Variants in ITK observed in about 807,000 individuals in gnomAD.
ITK encodes IL2 inducible T cell kinase.
In ITK, 45 loss-of-function variants were observed where a neutral mutation model predicts 87.6. The ratio of observed to expected loss-of-function variants is 0.51; its 90% CI spans 0.40 to 0.66. The LOEUF (loss-of-function observed/expected upper bound fraction) is 0.66. Among genes scored for constraint, ITK ranks in the 30% least tolerant of loss-of-function variants. The pLI is 0.00. For synonymous variants in ITK, 303 were observed against 273.6 expected, an observed-to-expected ratio of 1.11 and a Z score of -1.06; for missense variants, 605 against 766.3, an observed-to-expected ratio of 0.79 and a Z score of 2.48.
rs6861045 is a variant in ITK at position 157,194,013 on chromosome 5, A to G, written c.138+12898A>G. Among the ~76,000 whole-genome samples, 1,444 of 152,290 alleles carry G rather than the reference A, an allele frequency of 9.5e-3. 19 individuals are homozygous for G. Among genetic ancestry groups the G allele is most frequent in the African/African-American group, 0.033 (1,358 of 41,548 alleles). On this transcript the variant is annotated intron_variant, in intron 1 of 16. Transcript: ENST00000422843. Reference sequence around the variant, plus strand: ...TTTTGTTTTGGTGAGGAAGCAATGGAGCTACGAGGACGGTAAGTAATTTAC... The same window carrying G: ...TTTTGTTTTGGTGAGGAAGCAATGGGGCTACGAGGACGGTAAGTAATTTAC...
Position 157,252,727 on chromosome 5 carries a change from G to A in ITK, c.*49G>A, listed in dbSNP as rs1755167945. 1 of 1,359,896 alleles carries A rather than the reference G, an allele frequency of 7.4e-7. No homozygotes were observed. The highest frequency in any genetic ancestry group is 1.2e-5 in the South Asian group (1 of 85,940). The allele number at this position is 1,359,896 out of a possible 1,614,324, so 84.2% of individuals were successfully genotyped here. On this transcript the variant is annotated 3_prime_UTR_variant, in exon 17 of 17. Coordinates refer to ENST00000422843, the MANE Select transcript of ITK (RefSeq NM_005546.4). ...GGCTGCAGATCCTGAATGGAGGAAGGATATGTCCTCATTCCATAGAGCATT... is the reference window on the plus strand; with the variant it reads ...GGCTGCAGATCCTGAATGGAGGAAGAATATGTCCTCATTCCATAGAGCATT...
intron 7 of ITK, among the ~76,000 whole-genome samples, chr5:157,229,263 A>T (rs907505057): frequency 6.6e-6 from 1 of 152,228 alleles, no homozygotes; most frequent in Admixed American, 6.5e-5. Context: ...AAGTTTGATG[A>T]GCTGTGGCAT....
intron 1 of ITK, among the ~76,000 whole-genome samples, chr5:157,207,896 A>G (rs1754113842): frequency 6.6e-6 from 1 of 152,160 alleles, no homozygotes; most frequent in Non-Finnish European, 1.5e-5. Context: ...GAGATTTTAG[A>G]TGTTAAGGAC....
chr5:157,242,802 G>A (rs960856300), intron 11 of ITK, among the ~76,000 whole-genome samples: 4 of 152,176 alleles, frequency 2.6e-5, no homozygotes, highest in African/African-American at 4.8e-5. Context: ...TTTGATACAA[G>A]TGGTCAGAGG....
intron 15 of ITK, 60 bp from the exon 16 acceptor site, chr5:157,248,790 G>C: frequency 6.3e-7 from 1 of 1,590,118 alleles, no homozygotes; most frequent in African/African-American, 1.3e-5. Flanking sequence ...GAGGCAGGTT[G>C]GTTTGTTTGC....
chr5:157,211,899 G>C (rs1407402520), intron 3 of ITK, among the ~76,000 whole-genome samples: 1 of 152,216 alleles, frequency 6.6e-6, no homozygotes, highest in Non-Finnish European at 1.5e-5. Context: ...TGGAGCTGAT[G>C]TGAGCAAAGT....
chr5:157,236,607 T>C (rs903028833), intron 8 of ITK, among the ~76,000 whole-genome samples: 3 of 152,162 alleles, frequency 2.0e-5, no homozygotes, highest in Admixed American at 6.5e-5. Context: ...AGGGCCCTCA[T>C]TGTGACTAAG....
At chr5:157,249,107 G>A (rs1755088688) in intron 16 of ITK, 100 bp downstream of exon 16, 5 of 995,312 alleles carry the variant, frequency 5.0e-6, no homozygotes, top group Non-Finnish European at 7.9e-6. Flanking sequence ...TGAGGCAGGA[G>A]GGATAACTAA....
intron 6 of ITK, among the ~76,000 whole-genome samples, chr5:157,227,421 C>T (rs1754554161): frequency 6.6e-6 from 1 of 152,120 alleles, no homozygotes; most frequent in East Asian, 1.9e-4. Context: ...CAAATCTAGC[C>T]TGGCTTTATC....
At chr5:157,229,723 G>C (rs1754611792) in intron 7 of ITK, among the ~76,000 whole-genome samples, 1 of 152,140 alleles carries the variant, frequency 6.6e-6, no homozygotes, top group Non-Finnish European at 1.5e-5. Context: ...AGACCAGGCT[G>C]ACCAACATGG....
intron 4 of ITK, among the ~76,000 whole-genome samples, 168 bp from the exon 5 acceptor site, chr5:157,217,699 G>C (rs1754327020): frequency 6.6e-6 from 1 of 152,190 alleles, no homozygotes; most frequent in Non-Finnish European, 1.5e-5. Flanking sequence ...GACAGCTTCT[G>C]ACAAGGCCAA....
At chr5:157,238,542 C>T (rs1754822689) in intron 9 of ITK, among the ~76,000 whole-genome samples, 1 of 152,190 alleles carries the variant, frequency 6.6e-6, no homozygotes, top group African/African-American at 2.4e-5. Context: ...TATATGAACT[C>T]CAGTTCTGGC....
At chr5:157,230,054 T>C (rs1000219136) in intron 7 of ITK, among the ~76,000 whole-genome samples, 1 of 152,200 alleles carries the variant, frequency 6.6e-6, no homozygotes, top group African/African-American at 2.4e-5. Context: ...TTGAATAAGA[T>C]CTGCAGTTAA....
chr5:157,182,928 A>G (rs751012381), intron 1 of ITK, among the ~76,000 whole-genome samples: 1 of 152,172 alleles, frequency 6.6e-6, no homozygotes, highest in Non-Finnish European at 1.5e-5. Context: ...CATGTAGACA[A>G]GGTTGTAAAA....
At chr5:157,205,564 A>G (rs527990413) in intron 1 of ITK, among the ~76,000 whole-genome samples, 2 of 152,364 alleles carry the variant, frequency 1.3e-5, no homozygotes, top group East Asian at 3.9e-4. Context: ...ACCTTGTGCA[A>G]TAAAATAGGC....
At chr5:157,242,297 C>A (rs1754924862) in intron 11 of ITK, among the ~76,000 whole-genome samples, 1 of 152,198 alleles carries the variant, frequency 6.6e-6, no homozygotes, top group African/African-American at 2.4e-5. Context: ...CTTTGCATCC[C>A]TTGGTCCCAA....
intron 15 of ITK, 48 bp from the exon 16 acceptor site, chr5:157,248,802 G>C (rs760304902): frequency 9.9e-6 from 16 of 1,612,116 alleles, no homozygotes; most frequent in South Asian, 3.3e-5. Flanking sequence ...TTTGTTTGCT[G>C]TCTGTGGGCT....
chr5:157,213,746 T>C, intron 3 of ITK: 1 of 348,112 alleles, frequency 2.9e-6, no homozygotes, highest in Non-Finnish European at 5.6e-6. Context: ...CCAACCAAAA[T>C]CTTACTTCAA....
chr5:157,236,772 C>T (rs1475833310), intron 8 of ITK, among the ~76,000 whole-genome samples: 3 of 152,010 alleles, frequency 2.0e-5, no homozygotes, highest in Admixed American at 6.5e-5. Context: ...TTTATTAGTG[C>T]TTATTTCATC....
Sources: gnomAD v4.1 joint callset for allele counts (sites outside exome capture counted in the v4.1 genomes callset) on GRCh38, gnomAD v4.1.1 for gene constraint, MANE v1.5 for transcripts, NCBI Gene and HGNC (gene_info 2026-07-23, HGNC 2026-07-21) for gene names.